TUBGCP3: variants seen among roughly 807,000 people sequenced by gnomAD.
TUBGCP3 encodes tubulin gamma complex component 3, also known as gamma-tubulin complex component 3.
In TUBGCP3, 50 loss-of-function variants were observed where a neutral mutation model predicts 123.1. The ratio of observed to expected loss-of-function variants is 0.41; its 90% CI spans 0.32 to 0.51. The LOEUF (loss-of-function observed/expected upper bound fraction) is 0.51. TUBGCP3 is among the 20% of genes least tolerant of loss of function. The pLI is 0.36. For synonymous variants in TUBGCP3, 405 were observed against 413.9 expected (o/e 0.98, Z 0.26); for missense variants, 882 against 1,127.0 (o/e 0.78, Z 3.11).
At chr13:112,601,463 C>T in the TUBGCP3 span, among the ~76,000 whole-genome samples, 1 of 152,222 alleles carries the variant, frequency 6.6e-6, no homozygotes, top group Non-Finnish European at 1.5e-5. Flanking sequence ...GCGTTAACAG[C>T]GCTTCACAGT....
At chr13:112,492,741 C>T (rs1880190348) in intron 20 of TUBGCP3, among the ~76,000 whole-genome samples, 1 of 150,452 alleles carries the variant, frequency 6.6e-6, no homozygotes, top group South Asian at 2.1e-4. Flanking sequence ...CTAAGACGCT[C>T]TAGCTATGGG....
At chr13:112,577,365 G>GTC (rs1881901942) in intron 1 of TUBGCP3, among the ~76,000 whole-genome samples, 1 of 152,066 alleles carries the variant, frequency 6.6e-6, no homozygotes, top group Non-Finnish European at 1.5e-5. Context: ...CACCCTGGGG[G>GTC]TCTTCCTCCC....
At chr13:112,535,957 G>C (rs1182551968) in intron 11 of TUBGCP3, among the ~76,000 whole-genome samples, 2 of 152,184 alleles carry the variant, frequency 1.3e-5, no homozygotes, top group African/African-American at 4.8e-5. Context: ...GTGTATGACA[G>C]AGATCCCAAT....
At chr13:112,537,720 A>C (rs1878179535) in intron 11 of TUBGCP3, among the ~76,000 whole-genome samples, 1 of 152,100 alleles carries the variant, frequency 6.6e-6, no homozygotes, top group Admixed American at 6.5e-5. Context: ...GATTGCTGTT[A>C]ATTCTTTAAA....
At chr13:112,525,965 T>A (rs919124448) in intron 13 of TUBGCP3, among the ~76,000 whole-genome samples, 2 of 152,176 alleles carry the variant, frequency 1.3e-5, no homozygotes, top group Non-Finnish European at 2.9e-5. Context: ...TTAAGGTGTA[T>A]CAGAGAGTAA....
At chr13:112,561,895 C>A (rs1410387622) in intron 3 of TUBGCP3, among the ~76,000 whole-genome samples, 3 of 152,162 alleles carry the variant, frequency 2.0e-5, no homozygotes, top group Middle Eastern at 3.2e-3. Flanking sequence ...AAAAACTTAG[C>A]AAGTGACATA....
At position 112,520,007 on chromosome 13, in the gene TUBGCP3, C is replaced by T. The variant is rs780378445; in HGVS notation, c.1760G>A (p.Arg587His). The T allele has an allele frequency of 1.6e-5, 26 of 1,613,244 alleles. No homozygotes were observed. The highest frequency in any genetic ancestry group is 2.7e-5 in the African/African-American group (2 of 74,846). The change falls in exon 15 of 22, where the codon CGT (arginine) becomes CAT (histidine). Residue 587 changes from arginine to histidine, a missense_variant. This residue lies in a region of TUBGCP3 where 713 missense variants were observed against 874.0 expected (regional missense o/e 0.82). Transcript: ENST00000261965. ...ATGCTGATACAAAGTCGTAGCTGGACGGACAAGTTCTGGTCTTAACAAATT... is the reference window on the plus strand; with the variant it reads ...ATGCTGATACAAAGTCGTAGCTGGATGGACAAGTTCTGGTCTTAACAAATT... ...LMDLLKPELV[R>H]PATTLYQHNL... is the part of the protein sequence containing the mutation.
intron 3 of TUBGCP3, among the ~76,000 whole-genome samples, chr13:112,559,702 T>C (rs191997905): frequency 1.3e-4 from 20 of 152,336 alleles, no homozygotes; most frequent in African/African-American, 4.1e-4. Context: ...TCCCCTGAAA[T>C]AATTCTTATA....
rs553497593 is a variant in TUBGCP3, at chr13:112,571,235, T to C, written c.77-1976A>G. 6.3e-4 allele frequency among the ~76,000 whole-genome samples: 96 copies of C among 152,356 alleles called. 2 individuals are homozygous for C. In the South Asian group the frequency reaches 0.019, roughly 30 times the overall value. ...TGCCCAGATCCATCAGAGGAATCAC[T>C]ATCTATGGCAACTATAGCCTTATAA... On this transcript the variant is annotated intron_variant, in intron 1 of 21. Transcript: ENST00000261965.
At chr13:112,549,531 G>T (rs1249937816) in intron 8 of TUBGCP3, among the ~76,000 whole-genome samples, 1 of 152,060 alleles carries the variant, frequency 6.6e-6, no homozygotes, top group Admixed American at 6.6e-5. Flanking sequence ...TATATCCCCT[G>T]TAAATATTCA....
intron 1 of TUBGCP3, among the ~76,000 whole-genome samples, chr13:112,570,114 G>A (rs1371557964): frequency 6.8e-6 from 1 of 146,388 alleles, no homozygotes; most frequent in Non-Finnish European, 1.5e-5. Flanking sequence ...ATCCCACGCT[G>A]CCAGACAACC....
intron 20 of TUBGCP3, among the ~76,000 whole-genome samples, chr13:112,495,013 C>T (rs1211730826): frequency 2.6e-5 from 4 of 152,322 alleles, no homozygotes; most frequent in Admixed American, 6.5e-5. Flanking sequence ...CTCCCGTTCT[C>T]TGGGCTGCCT....
Position 112,569,256 on chromosome 13 carries a change from T to G in TUBGCP3, c.80A>C (p.Asp27Ala), listed in dbSNP as rs374568155. The G allele has an allele frequency of 2.6e-5, 42 of 1,613,982 alleles. No individual in the cohort carries two copies. The highest frequency in any genetic ancestry group is 1.6e-4 in the Middle Eastern group (1 of 6,082). The stretch of plus-strand genomic sequence containing the variant: ...AGCATACTGGAACTGCTGGGCTACA[T>G]CAGCTGAAAGACAAACAAAAGGATG... The part of the protein sequence containing the change: ...CCRILGRSEA[D>A]VAQQFQYAVR... The change falls in exon 2 of 22, where the codon GAT (aspartate) becomes GCT (alanine). Residue 27 changes from aspartate (D) to alanine (A), a missense_variant. This residue lies in a region of TUBGCP3 where 713 missense variants were observed against 874.0 expected (regional missense o/e 0.82). Transcript: ENST00000261965.
intron 17 of TUBGCP3, among the ~76,000 whole-genome samples, chr13:112,505,502 C>G (rs1881230549): frequency 6.6e-6 from 1 of 152,188 alleles, no homozygotes; most frequent in South Asian, 2.1e-4. Context: ...ATCAGTCTTG[C>G]CTCCTCTCAA....
intron 5 of TUBGCP3, among the ~76,000 whole-genome samples, chr13:112,556,996 T>A (rs1176138547): frequency 1.3e-5 from 2 of 151,840 alleles, no homozygotes; most frequent in African/African-American, 4.9e-5. Flanking sequence ...GGTGCAATAC[T>A]GGGGGGGTTT....
At chr13:112,518,505 C>T (rs560906371) in intron 16 of TUBGCP3, among the ~76,000 whole-genome samples, 1 of 152,286 alleles carries the variant, frequency 6.6e-6, no homozygotes, top group Admixed American at 6.5e-5. Flanking sequence ...TCCTGGTCAG[C>T]CTTTTATAAT....
chr13:112,586,295 G>T (rs1882605639), intron 1 of TUBGCP3, among the ~76,000 whole-genome samples: 1 of 151,788 alleles, frequency 6.6e-6, no homozygotes, highest in Non-Finnish European at 1.5e-5. Context: ...CATGATGAAT[G>T]AATTTCAAAA....
chr13:112,503,623 C>T (rs1417974702), intron 19 of TUBGCP3, among the ~76,000 whole-genome samples: 3 of 152,298 alleles, frequency 2.0e-5, no homozygotes, highest in East Asian at 3.9e-4. Flanking sequence ...CCGCCTCGGC[C>T]TCCCAAAGTG....
intron 17 of TUBGCP3, among the ~76,000 whole-genome samples, chr13:112,510,609 T>C (rs1313246641): frequency 3.3e-5 from 5 of 152,174 alleles, no homozygotes; most frequent in African/African-American, 1.2e-4. Flanking sequence ...TTGGGGGCAC[T>C]CACCACAGGC....
Sources: gnomAD v4.1 joint callset for allele counts (sites outside exome capture counted in the v4.1 genomes callset) on GRCh38, gnomAD v4.1.1 for gene constraint, gnomAD v4.1.1 regional missense constraint, MANE v1.5 for transcripts, NCBI Gene and HGNC (gene_info 2026-07-23, HGNC 2026-07-21) for gene names.